The following CLMP variants were observed in gnomAD, a reference collection of about 807,000 sequenced individuals.
The protein encoded by CLMP is CXADR-like membrane protein.
CLMP carries 27 observed loss-of-function variants against 45.2 expected under a neutral mutation model. The observed-to-expected ratio is 0.60, with a 90% CI of 0.44 to 0.82. CLMP has a LOEUF of 0.82. CLMP is among the 40% of genes least tolerant of loss of function. The probability of loss-of-function intolerance (pLI) is 0.00; values close to 1 mark genes in which losing one functional copy is unlikely to be tolerated. For synonymous variants in CLMP, 167 were observed against 171.4 expected, an observed-to-expected ratio of 0.97 and a Z score of 0.20; for missense variants, 403 against 448.4, an observed-to-expected ratio of 0.90 and a Z score of 0.91.
chr11:123,174,758 AC>A (rs1267437360), intron 1 of CLMP, among the ~76,000 whole-genome samples: 3 of 152,170 alleles, frequency 2.0e-5, no homozygotes, highest in African/African-American at 7.2e-5. Context: ...ATTAGGAAGC[AC>A]TTAGGATTTT....
chr11:123,128,308 G>A (rs1012795908), intron 1 of CLMP, among the ~76,000 whole-genome samples: 4 of 151,860 alleles, frequency 2.6e-5, no homozygotes, highest in African/African-American at 9.7e-5. Flanking sequence ...AACAAAGTAG[G>A]ACTACAAGGC....
chr11:123,094,704 A>T (rs1281314885), intron 2 of CLMP, among the ~76,000 whole-genome samples: 1 of 152,138 alleles, frequency 6.6e-6, no homozygotes, highest in African/African-American at 2.4e-5. Context: ...GCACATATTA[A>T]ATAACATGAG....
chr11:123,178,298 A>T (rs569809071), intron 1 of CLMP, among the ~76,000 whole-genome samples: 3 of 152,208 alleles, frequency 2.0e-5, no homozygotes, highest in African/African-American at 4.8e-5. Flanking sequence ...GTGCTAAGTC[A>T]TTCTGTAGGA....
At chr11:123,087,048 A>G (rs924381896) in intron 2 of CLMP, among the ~76,000 whole-genome samples, 3 of 151,870 alleles carry the variant, frequency 2.0e-5, no homozygotes, top group Non-Finnish European at 4.4e-5. Flanking sequence ...TACAAAAATT[A>G]GACAGGTGGC....
intron 1 of CLMP, among the ~76,000 whole-genome samples, chr11:123,182,765 G>A (rs141659166): frequency 1.1e-4 from 17 of 152,216 alleles, no homozygotes; most frequent in South Asian, 2.1e-4. Context: ...CAAGGCCTTC[G>A]TAAGAACATC....
intron 1 of CLMP, among the ~76,000 whole-genome samples, chr11:123,189,764 T>C (rs1565407768): frequency 1.3e-5 from 2 of 152,100 alleles, no homozygotes; most frequent in South Asian, 2.1e-4. Flanking sequence ...TCCCAGCCCA[T>C]TGGGAGGCCG....
intron 1 of CLMP, among the ~76,000 whole-genome samples, chr11:123,143,525 G>C (rs1861195285): frequency 6.6e-6 from 1 of 152,006 alleles, no homozygotes; most frequent in Non-Finnish European, 1.5e-5. Context: ...GGGGGGCGGG[G>C]GGGGCATGAG....
chr11:123,088,102 G>T (rs1019312957), intron 2 of CLMP, among the ~76,000 whole-genome samples: 2 of 151,878 alleles, frequency 1.3e-5, no homozygotes, highest in Admixed American at 1.3e-4. Flanking sequence ...AAGAGATGGG[G>T]TTTCTCCACG....
At chr11:123,096,257 G>T (rs886815650) in intron 2 of CLMP, among the ~76,000 whole-genome samples, 3 of 152,072 alleles carry the variant, frequency 2.0e-5, no homozygotes, top group African/African-American at 7.2e-5. Context: ...AGGAGTTGGA[G>T]GCATGAGAAT....
intron 1 of CLMP, among the ~76,000 whole-genome samples, chr11:123,174,427 T>C (rs1428693091): frequency 1.3e-5 from 2 of 152,246 alleles, no homozygotes; most frequent in African/African-American, 4.8e-5. Context: ...GGCGACATCC[T>C]ATCCTGAATC....
chr11:123,151,119 G>C (rs1861332097), intron 1 of CLMP, among the ~76,000 whole-genome samples: 1 of 152,242 alleles, frequency 6.6e-6, no homozygotes, highest in Admixed American at 6.5e-5. Flanking sequence ...GCAGCAGGAA[G>C]GAGGACCAGC....
intron 1 of CLMP, among the ~76,000 whole-genome samples, chr11:123,110,671 C>T (rs148802039): frequency 2.0e-5 from 3 of 152,040 alleles, no homozygotes; most frequent in East Asian, 1.9e-4. Flanking sequence ...GAGCTGCGGG[C>T]GTCAGTCAAG....
At chr11:123,114,451 T>TCCCTCCCTCC (rs1860692445) in intron 1 of CLMP, among the ~76,000 whole-genome samples, 2 of 53,534 alleles carry the variant, frequency 3.7e-5, no homozygotes, top group Non-Finnish European at 3.6e-5. Flanking sequence ...TCCCTCCCTC[T>TCCCTCCCTCC]CTCCCTCCCT....
At chr11:123,092,145 G>T (rs758473197) in intron 2 of CLMP, among the ~76,000 whole-genome samples, 11 of 152,012 alleles carry the variant, frequency 7.2e-5, no homozygotes, top group Non-Finnish European at 1.5e-4. Context: ...CGACTCCCCA[G>T]TTAGAATGGT....
chr11:123,134,023 G>A (rs1861030943), intron 1 of CLMP, among the ~76,000 whole-genome samples: 1 of 152,140 alleles, frequency 6.6e-6, no homozygotes. Context: ...ACTTTGGGAG[G>A]CCAAGGTGGG....
chr11:123,080,326 C>CTTT (rs35892566), intron 5 of CLMP, among the ~76,000 whole-genome samples: 2 of 136,278 alleles, frequency 1.5e-5, no homozygotes, highest in Non-Finnish European at 3.1e-5. Flanking sequence ...TGAAGGTGTA[C>CTTT]TTTTTTTTTT....
intron 1 of CLMP, among the ~76,000 whole-genome samples, chr11:123,129,400 AAT>A (rs1244234796): frequency 7.8e-5 from 11 of 141,200 alleles, no homozygotes; most frequent in African/African-American, 1.3e-4. Flanking sequence ...TATTATATAA[AAT>A]ATATATCATA....
At chr11:123,157,465 A>T (rs761085823) in intron 1 of CLMP, among the ~76,000 whole-genome samples, 2 of 152,186 alleles carry the variant, frequency 1.3e-5, no homozygotes, top group Non-Finnish European at 2.9e-5. Flanking sequence ...AGGCAGGCAA[A>T]TCACTTGAAC....
chr11:123,073,513 G>A lies in CLMP; in HGVS notation c.1083C>T (p.Ser361=), dbSNP rs138871742. The A allele has an allele frequency of 4.6e-5, 74 of 1,613,958 alleles. No individual in the cohort carries two copies. The highest frequency in any genetic ancestry group is 1.8e-4 in the Admixed American group (11 of 59,990). ...AGGCTCTGCTCTGGCTGGGGATCAT[G>A]CTGGGTGTGGTTTCTGCTTTGGTCA... ...ANLTKAETTP[S]MIPSQSRAFQ... The change falls in exon 7 of 7, where the codon AGC becomes AGT. Residue 361 remains serine, a synonymous_variant. Coordinates refer to ENST00000448775, the MANE Select transcript of CLMP (RefSeq NM_024769.5).
Sources: allele counts gnomAD v4.1 joint callset (sites outside exome capture counted in the v4.1 genomes callset), GRCh38; gene constraint gnomAD v4.1.1; transcripts MANE v1.5; gene names NCBI Gene and HGNC (gene_info 2026-07-23, HGNC 2026-07-21).